L3MBTL4: variants seen among roughly 807,000 people sequenced by gnomAD.
The protein encoded by L3MBTL4 is lethal(3)malignant brain tumor-like protein 4.
L3MBTL4 carries 70 observed loss-of-function variants against 84.5 expected under a neutral mutation model. The ratio of observed to expected loss-of-function variants is 0.83; its 90% CI spans 0.68 to 1.01. The LOEUF (loss-of-function observed/expected upper bound fraction) is 1.01, where lower values mean the gene tolerates loss of function less well. Among genes scored for constraint, L3MBTL4 ranks in the 50% least tolerant of loss-of-function variants. The pLI, the probability that L3MBTL4 is intolerant of heterozygous loss-of-function variation, is 0.00. For missense variants in L3MBTL4, 715 were observed against 754.8 expected, an observed-to-expected ratio of 0.95 and a Z score of 0.62; for synonymous variants, 274 against 259.8, an observed-to-expected ratio of 1.05 and a Z score of -0.52.
chr18:6,185,460 C>T (rs555248688), intron 12 of L3MBTL4, among the ~76,000 whole-genome samples: 1 of 152,246 alleles, frequency 6.6e-6, no homozygotes, highest in Admixed American at 6.5e-5. Context: ...AAGGCATGCT[C>T]AGACCTCCCT....
intron 4 of L3MBTL4, among the ~76,000 whole-genome samples, chr18:6,266,787 A>G (rs2048653132): frequency 1.3e-5 from 2 of 152,028 alleles, no homozygotes; most frequent in Admixed American, 6.6e-5. Context: ...GCCAGGTATA[A>G]TGGTGCATGC....
chr18:6,302,091 CAG>C, intron 3 of L3MBTL4, 134 bp from the exon 4 acceptor site: 1 of 784,388 alleles, frequency 1.3e-6, no homozygotes, highest in Non-Finnish European at 2.3e-6. Context: ...ACACAATACC[CAG>C]AGTCTTCCGG....
At chr18:6,253,615 G>C (rs2048018203) in intron 5 of L3MBTL4, among the ~76,000 whole-genome samples, 1 of 152,202 alleles carries the variant, frequency 6.6e-6, no homozygotes, top group Non-Finnish European at 1.5e-5. Context: ...TTTTCACCTT[G>C]ATAATGGGAA....
chr18:6,374,875 G>A (rs2054302849), intron 1 of L3MBTL4, among the ~76,000 whole-genome samples: 1 of 152,104 alleles, frequency 6.6e-6, no homozygotes, highest in African/African-American at 2.4e-5. Context: ...AAAGCACCGT[G>A]AAATCTATGG....
chr18:6,205,016 C>G (rs1255170889), intron 12 of L3MBTL4, among the ~76,000 whole-genome samples: 1 of 152,166 alleles, frequency 6.6e-6, no homozygotes, highest in African/African-American at 2.4e-5. Context: ...AATAGGCTCC[C>G]AAAGATGTCG....
At chr18:5,990,642 T>C (rs1199328373) in intron 16 of L3MBTL4, among the ~76,000 whole-genome samples, 3 of 152,198 alleles carry the variant, frequency 2.0e-5, no homozygotes, top group African/African-American at 7.2e-5. Context: ...AGTAATTGAG[T>C]CCCATGTTTC....
chr18:6,089,575 A>T lies in L3MBTL4; in HGVS notation c.1373+3780T>A, dbSNP rs144180876. 1.2e-3 allele frequency among the ~76,000 whole-genome samples: 187 copies of T among 152,302 alleles called. 1 individual carries two copies. The Middle Eastern group carries it at 0.014, about 11-fold the overall frequency. On this transcript the variant is annotated intron_variant, in intron 15 of 18. Transcript: ENST00000317931. ...TCTTTCACTAGTCTAACGTAGTTGA[A>T]TTGCACGTGGGATTTTTTTCTACTT...
chr18:6,351,840 C>T (rs969468866), intron 1 of L3MBTL4, among the ~76,000 whole-genome samples: 1 of 151,934 alleles, frequency 6.6e-6, no homozygotes, highest in East Asian at 1.9e-4. Context: ...CGTGAGCAAC[C>T]GCGCCCAGCC....
intron 16 of L3MBTL4, among the ~76,000 whole-genome samples, chr18:6,010,022 CA>C (rs1273914699): frequency 1.9e-5 from 1 of 53,082 alleles, no homozygotes; most frequent in Non-Finnish European, 4.3e-5. Flanking sequence ...CCTCCATCAC[CA>C]GTCTTTTTTG....
At position 5,978,806 on chromosome 18, in the gene L3MBTL4, T is replaced by C. The variant is rs369285540; in HGVS notation, c.1445-9244A>G. Among the ~76,000 whole-genome samples the C allele has an allele frequency of 2.7e-4, 41 of 152,348 alleles. No individual in the cohort carries two copies. In the East Asian group the frequency reaches 6.9e-3, roughly 26 times the overall value. On this transcript the variant is annotated intron_variant, in intron 16 of 18. Transcript: ENST00000317931. ...AGCTAATGGATGTGGAAGTTAGCCC[T>C]GGCTTCAGCTATATGGGCACCCAGG...
intron 16 of L3MBTL4, chr18:6,029,663 G>T (rs1433467897): frequency 1.0e-6 from 1 of 985,166 alleles, no homozygotes; most frequent in East Asian, 1.1e-4. Context: ...GGAAATATTT[G>T]AGTATGGGAA....
chr18:6,277,828 T>C (rs1396314925), intron 4 of L3MBTL4, among the ~76,000 whole-genome samples: 3 of 152,252 alleles, frequency 2.0e-5, no homozygotes, highest in East Asian at 1.9e-4. Flanking sequence ...TAAGTTTTTG[T>C]ATTTATCTTA....
At chr18:6,185,620 A>G (rs1040772312) in intron 12 of L3MBTL4, among the ~76,000 whole-genome samples, 8 of 152,140 alleles carry the variant, frequency 5.3e-5, no homozygotes, top group Non-Finnish European at 1.2e-4. Flanking sequence ...ACAGGCCTCT[A>G]CTAAAGTCTG....
At chr18:6,084,494 T>C (rs2143390550) in intron 15 of L3MBTL4, among the ~76,000 whole-genome samples, 1 of 152,300 alleles carries the variant, frequency 6.6e-6, no homozygotes, top group East Asian at 1.9e-4. Flanking sequence ...CTCCCCAAAC[T>C]GCCACAATAA....
At chr18:6,120,257 G>T (rs755419217) in intron 14 of L3MBTL4, among the ~76,000 whole-genome samples, 15 of 152,172 alleles carry the variant, frequency 9.9e-5, no homozygotes, top group Admixed American at 5.9e-4. Context: ...ACAAGCCCAG[G>T]GGCCCGGGGC....
At chr18:6,270,776 G>A (rs2048832740) in intron 4 of L3MBTL4, among the ~76,000 whole-genome samples, 1 of 152,198 alleles carries the variant, frequency 6.6e-6, no homozygotes, top group South Asian at 2.1e-4. Flanking sequence ...GGCTGGAGGG[G>A]CAAACGTGAG....
chr18:6,388,669 T>C (rs2054921664), intron 1 of L3MBTL4, among the ~76,000 whole-genome samples: 1 of 152,216 alleles, frequency 6.6e-6, no homozygotes, highest in African/African-American at 2.4e-5. Context: ...ATATTGTATA[T>C]ATGGGTTTAT....
intron 14 of L3MBTL4, among the ~76,000 whole-genome samples, chr18:6,113,071 G>C (rs1216169355): frequency 6.6e-6 from 1 of 152,114 alleles, no homozygotes; most frequent in Non-Finnish European, 1.5e-5. Flanking sequence ...CATATCATCT[G>C]TCTTCCATAT....
At chr18:6,080,735 G>A (rs775630192) in intron 16 of L3MBTL4, 146 bp downstream of exon 16, 25 of 583,672 alleles carry the variant, frequency 4.3e-5, no homozygotes, top group Non-Finnish European at 7.5e-5. Flanking sequence ...CACAGGGCGG[G>A]AACTAGAACA....
Sources: allele counts gnomAD v4.1 joint callset (sites outside exome capture counted in the v4.1 genomes callset), GRCh38; gene constraint gnomAD v4.1.1; transcripts MANE v1.5; gene names NCBI Gene and HGNC (gene_info 2026-07-23, HGNC 2026-07-21).